Variants in SCHIP1 observed in about 807,000 individuals in gnomAD.
The protein encoded by SCHIP1 is schwannomin interacting protein 1.
SCHIP1 carries 8 observed loss-of-function variants against 29.7 expected under a neutral mutation model. The ratio of observed to expected loss-of-function variants is 0.27; its 90% CI spans 0.16 to 0.49. The LOEUF (loss-of-function observed/expected upper bound fraction) is 0.49. Ranked by LOEUF, SCHIP1 falls within the 20% of genes least tolerant of loss-of-function variation. The pLI, the probability that SCHIP1 is intolerant of heterozygous loss-of-function variation, is 0.99. For missense variants in SCHIP1, 193 were observed against 294.6 expected, an observed-to-expected ratio of 0.66 and a Z score of 2.52; for synonymous variants, 76 against 94.9, an observed-to-expected ratio of 0.80 and a Z score of 1.16.
At chr3:159,286,964 A>T in the SCHIP1 span, among the ~76,000 whole-genome samples, 1 of 152,128 alleles carries the variant, frequency 6.6e-6, no homozygotes, top group Non-Finnish European at 1.5e-5. Context: ...GATTCTGGAT[A>T]TTAGACCTTT....
chr3:159,888,638 A>G (rs1391936247), intron 4 of SCHIP1, 182 bp from the exon 6 acceptor site: 5 of 702,962 alleles, frequency 7.1e-6, no homozygotes, highest in African/African-American at 1.8e-5. Flanking sequence ...TGCCAGTTGC[A>G]TATTAGGTAA....
At chr3:159,759,836 A>G in the SCHIP1 span, among the ~76,000 whole-genome samples, 1 of 152,226 alleles carries the variant, frequency 6.6e-6, no homozygotes, top group Non-Finnish European at 1.5e-5. Context: ...TAATATAAGA[A>G]TTAGTTTGGA....
the SCHIP1 span, among the ~76,000 whole-genome samples, chr3:159,293,384 A>G: frequency 2.0e-5 from 3 of 152,184 alleles, no homozygotes; most frequent in East Asian, 3.9e-4. Context: ...TCCTTGAGGC[A>G]TTTGTGAACT....
At chr3:159,689,743 A>G in the SCHIP1 span, among the ~76,000 whole-genome samples, 1 of 152,200 alleles carries the variant, frequency 6.6e-6, no homozygotes, top group African/African-American at 2.4e-5. Context: ...TTTGTCATAA[A>G]TAGCTCTTAT....
chr3:159,370,351 A>G, the SCHIP1 span, among the ~76,000 whole-genome samples: 1 of 152,110 alleles, frequency 6.6e-6, no homozygotes, highest in Non-Finnish European at 1.5e-5. Context: ...TACTTGCTTA[A>G]TTCCTTACTT....
chr3:159,750,787 T>G, the SCHIP1 span, among the ~76,000 whole-genome samples: 7 of 152,144 alleles, frequency 4.6e-5, no homozygotes, highest in African/African-American at 1.4e-4. Flanking sequence ...GCTCCCAAAT[T>G]TGTGGTATGA....
At chr3:159,719,150 T>C in the SCHIP1 span, among the ~76,000 whole-genome samples, 1 of 152,172 alleles carries the variant, frequency 6.6e-6, no homozygotes, top group Non-Finnish European at 1.5e-5. Flanking sequence ...CCCTATTTAA[T>C]AAATGGTGCT....
the SCHIP1 span, among the ~76,000 whole-genome samples, chr3:159,727,724 G>A: frequency 9.9e-5 from 15 of 152,140 alleles, no homozygotes; most frequent in Non-Finnish European, 1.3e-4. Context: ...CCAACACACA[G>A]GGAATATACA....
At chr3:159,832,155 CA>C in the SCHIP1 span, among the ~76,000 whole-genome samples, 1 of 152,160 alleles carries the variant, frequency 6.6e-6, no homozygotes, top group African/African-American at 2.4e-5. Context: ...TTTTAACCTG[CA>C]GCAGCTCCAA....
chr3:159,709,318 T>C, the SCHIP1 span, among the ~76,000 whole-genome samples: 1 of 152,190 alleles, frequency 6.6e-6, no homozygotes, highest in African/African-American at 2.4e-5. Flanking sequence ...ATATCTTAGC[T>C]GTGATATTGT....
the SCHIP1 span, among the ~76,000 whole-genome samples, chr3:159,595,459 G>A: frequency 6.6e-6 from 1 of 152,024 alleles, no homozygotes; most frequent in East Asian, 1.9e-4. Flanking sequence ...TATAAAAGAG[G>A]AGACCCAAGA....
At chr3:159,630,687 A>G in the SCHIP1 span, among the ~76,000 whole-genome samples, 1 of 151,528 alleles carries the variant, frequency 6.6e-6, no homozygotes, top group Admixed American at 6.6e-5. Context: ...ACACAAAGGT[A>G]TAAGAATGAT....
At chr3:159,625,290 G>A in the SCHIP1 span, among the ~76,000 whole-genome samples, 1 of 152,164 alleles carries the variant, frequency 6.6e-6, no homozygotes, top group Admixed American at 6.5e-5. Context: ...CCTCCTAGGG[G>A]TTTTGGGAGG....
At chr3:159,437,483 G>A in the SCHIP1 span, among the ~76,000 whole-genome samples, 1 of 151,890 alleles carries the variant, frequency 6.6e-6, no homozygotes, top group Non-Finnish European at 1.5e-5. Context: ...TTTCATTCTT[G>A]ACTCTGAGGT....
chr3:159,831,067 G>A, the SCHIP1 span, among the ~76,000 whole-genome samples: 2 of 152,214 alleles, frequency 1.3e-5, no homozygotes, highest in Non-Finnish European at 2.9e-5. Flanking sequence ...GTAAGAGACA[G>A]AGCCAATTCC....
the SCHIP1 span, among the ~76,000 whole-genome samples, chr3:159,590,604 C>T: frequency 6.6e-6 from 1 of 151,924 alleles, no homozygotes. Context: ...TAAAGCAGTC[C>T]TGGTCCTTAC....
chr3:159,342,129 C>T, the SCHIP1 span, among the ~76,000 whole-genome samples: 1 of 152,144 alleles, frequency 6.6e-6, no homozygotes, highest in African/African-American at 2.4e-5. Context: ...TGTGGGTCTT[C>T]TGGGCTCAGT....
chr3:159,640,954 G>A, the SCHIP1 span, among the ~76,000 whole-genome samples: 2 of 152,110 alleles, frequency 1.3e-5, no homozygotes, highest in African/African-American at 2.4e-5. Flanking sequence ...ATGTCATGGT[G>A]GACACACATT....
At chr3:159,776,837 A>T in the SCHIP1 span, among the ~76,000 whole-genome samples, 9 of 152,146 alleles carry the variant, frequency 5.9e-5, no homozygotes, top group Non-Finnish European at 1.2e-4. Context: ...CACACTGGGA[A>T]TGAGAATATT....
Sources: gnomAD v4.1 joint callset for allele counts (sites outside exome capture counted in the v4.1 genomes callset) on GRCh38, gnomAD v4.1.1 for gene constraint, MANE v1.5 for transcripts, NCBI Gene and HGNC (gene_info 2026-07-23, HGNC 2026-07-21) for gene names.